Variants in DPY19L3 observed in about 807,000 individuals in gnomAD.
DPY19L3 encodes the protein dpy-19 like C-mannosyltransferase 3.
A neutral mutation model predicts 92.3 loss-of-function variants in DPY19L3; 51 were observed. That is an observed-to-expected ratio of 0.55 (90% CI 0.44 to 0.70). The LOEUF is 0.70. Ranked by LOEUF, DPY19L3 falls within the 30% of genes least tolerant of loss-of-function variation. DPY19L3 has a pLI of 0.00. For missense variants in DPY19L3, 706 were observed against 855.9 expected (o/e 0.82, Z 2.18); for synonymous variants, 309 against 315.2 (o/e 0.98, Z 0.21).
chr19:32,476,741 TC>T (rs1259091328), intron 16 of DPY19L3, among the ~76,000 whole-genome samples: 4 of 152,132 alleles, frequency 2.6e-5, no homozygotes, highest in African/African-American at 9.7e-5. Flanking sequence ...TGCCCCGTGT[TC>T]CTTAAACTGC....
chr19:32,437,101 C>T, intron 5 of DPY19L3, 93 bp from the exon 6 acceptor site: 1 of 1,484,830 alleles, frequency 6.7e-7, no homozygotes, highest in Non-Finnish European at 9.2e-7. Flanking sequence ...GAGGCAAGCT[C>T]CTGCATATTG....
intron 14 of DPY19L3, among the ~76,000 whole-genome samples, chr19:32,464,316 TTATA>T (rs149674766): frequency 0.023 from 3,461 of 152,200 alleles, 293 homozygotes; most frequent in Admixed American, 0.16. Context: ...AGATAATTAT[TTATA>T]TATGTATGAC....
At position 32,480,468 on chromosome 19, in the gene DPY19L3, T is replaced by C; in HGVS notation, c.1900T>C (p.Tyr634His). The change falls in exon 18 of 19, where the codon TAC becomes CAC. Residue 634 changes from tyrosine to histidine, a missense_variant. Tyr to His is a moderately conservative substitution (Grantham distance 83, BLOSUM62 2). Transcript: ENST00000392250. ...CCTCCTAAGGTCCTTCGGCACTGAC[T>C]ACGTAATCCTGGAAGACAGCATCTG... ...HALLRSFGTD[Y>H]VILEDSICYE... The C allele has an allele frequency of 6.2e-7, 1 of 1,614,178 alleles. No individual in the cohort carries two copies. The highest frequency in any genetic ancestry group is 8.5e-7 in the Non-Finnish European group (1 of 1,180,026).
At chr19:32,445,440 C>CAAAAAAAAAAAAAAAAAAAAAA (rs71336904) in intron 8 of DPY19L3, among the ~76,000 whole-genome samples, 5 of 42,822 alleles carry the variant, frequency 1.2e-4, no homozygotes, top group East Asian at 8.7e-4. Context: ...GACTTCATCT[C>CAAAAAAAAAAAAAAAAAAAAAA]AAAAAAAAAA....
At chr19:32,468,927 A>AT (rs1970273589) in intron 16 of DPY19L3, 114 bp downstream of exon 16, 1 of 1,007,976 alleles carries the variant, frequency 9.9e-7, no homozygotes, top group Non-Finnish European at 1.4e-6. Flanking sequence ...ACGAAGAAAC[A>AT]TTCGTCCTTA....
intron 17 of DPY19L3, among the ~76,000 whole-genome samples, chr19:32,478,339 G>A (rs561311866): frequency 1.8e-4 from 27 of 152,336 alleles, no homozygotes; most frequent in African/African-American, 4.8e-4. Context: ...GCAGAAGAGC[G>A]CATTTGGGAG....
chr19:32,463,544 T>G (rs544725565), intron 13 of DPY19L3, 56 bp downstream of exon 13: 1 of 1,558,604 alleles, frequency 6.4e-7, no homozygotes, highest in Non-Finnish European at 8.7e-7. Flanking sequence ...TGATGTTACT[T>G]AGCAATATAA....
At chr19:32,440,113 T>G (rs1969276430) in intron 8 of DPY19L3, among the ~76,000 whole-genome samples, 1 of 152,244 alleles carries the variant, frequency 6.6e-6, no homozygotes, top group East Asian at 1.9e-4. Flanking sequence ...TTATTTTAAG[T>G]TAAAAAATGG....
intron 6 of DPY19L3, among the ~76,000 whole-genome samples, chr19:32,437,632 A>G (rs974042798): frequency 4.6e-5 from 7 of 152,110 alleles, no homozygotes; most frequent in African/African-American, 1.4e-4. Flanking sequence ...CTCCAGCCGC[A>G]TATCTCATCT....
chr19:32,428,378 T>G (rs540398401), intron 3 of DPY19L3, among the ~76,000 whole-genome samples: 5 of 152,248 alleles, frequency 3.3e-5, no homozygotes, highest in African/African-American at 1.2e-4. Flanking sequence ...ACCATTGCGA[T>G]AGATGTAGGG....
chr19:32,416,242 TGA>T (rs962559536), intron 3 of DPY19L3, among the ~76,000 whole-genome samples: 3 of 152,216 alleles, frequency 2.0e-5, no homozygotes, highest in African/African-American at 7.2e-5. Context: ...GGAAGTCTGT[TGA>T]GAGAGAACAG....
intron 8 of DPY19L3, among the ~76,000 whole-genome samples, chr19:32,451,752 G>T (rs953079345): frequency 6.6e-6 from 1 of 151,966 alleles, no homozygotes; most frequent in Admixed American, 6.6e-5. Flanking sequence ...GCTTCTTTTG[G>T]TATCAACCTA....
In DPY19L3 at chr19:32,457,504, A is replaced by AT. The variant is rs1426998972; in HGVS notation, c.1090-590dup. ...CCTGTCTTCATTTTTCTTCTAATAA[A>AT]TTTTTTCACCATTTATGTTATTATA... On this transcript the variant is annotated intron_variant, in intron 10 of 18. Coordinates refer to ENST00000392250, the MANE Select transcript of DPY19L3 (RefSeq NM_001172774.2). 2.0e-5 allele frequency among the ~76,000 whole-genome samples: 3 copies of AT among 152,080 alleles called. No homozygotes were observed. In the East Asian group the frequency reaches 5.8e-4, roughly 29 times the overall value.
intron 6 of DPY19L3, 83 bp from the exon 7 acceptor site, chr19:32,439,029 T>C (rs1599625664): frequency 6.8e-7 from 1 of 1,464,826 alleles, no homozygotes; most frequent in East Asian, 2.3e-5. Flanking sequence ...GTCCTTAATG[T>C]AATATATCTT....
intron 3 of DPY19L3, among the ~76,000 whole-genome samples, chr19:32,430,684 T>A (rs1205122551): frequency 6.6e-6 from 1 of 152,048 alleles, no homozygotes; most frequent in African/African-American, 2.4e-5. Flanking sequence ...GGCTTGATCA[T>A]GGCTCACAGC....
intron 3 of DPY19L3, among the ~76,000 whole-genome samples, chr19:32,415,117 T>C (rs1266178448): frequency 2.6e-5 from 4 of 152,218 alleles, no homozygotes; most frequent in African/African-American, 9.6e-5. Flanking sequence ...CTGAGTAAGA[T>C]AAGGCCATGC....
At chr19:32,434,565 A>G (rs2145484119) in intron 4 of DPY19L3, among the ~76,000 whole-genome samples, 1 of 152,340 alleles carries the variant, frequency 6.6e-6, no homozygotes, top group Middle Eastern at 3.4e-3. Flanking sequence ...AGGCTGAGGC[A>G]GGAGAATCGC....
Position 32,458,419 on chromosome 19 carries a change from G to A in DPY19L3, c.1232G>A (p.Arg411Lys), listed in dbSNP as rs1281799303. The A allele has an allele frequency of 5.0e-6, 8 of 1,613,882 alleles. No individual in the cohort carries two copies. The highest frequency in any genetic ancestry group is 6.8e-6 in the Non-Finnish European group (8 of 1,179,992). ...FGLLPFNTFG[R>K]LSDTLLFYAY... ...CTCCTGCCTTTTAATACATTTGGAA[G>A]GCTTTCAGATACTCTGCTTTTTTAT... The change falls in exon 12 of 19, where the codon AGG (arginine) becomes AAG (lysine). Residue 411 changes from arginine to lysine, a missense_variant. Coordinates refer to ENST00000392250, the MANE Select transcript of DPY19L3 (RefSeq NM_001172774.2).
chr19:32,462,254 G>C (rs1487493555), intron 12 of DPY19L3, among the ~76,000 whole-genome samples: 1 of 151,964 alleles, frequency 6.6e-6, no homozygotes, highest in Admixed American at 6.6e-5. Flanking sequence ...TGTCTGTCTC[G>C]GGTAGGTGGG....
Sources: allele counts gnomAD v4.1 joint callset (sites outside exome capture counted in the v4.1 genomes callset), GRCh38; gene constraint gnomAD v4.1.1; transcripts MANE v1.5; gene names NCBI Gene and HGNC (gene_info 2026-07-23, HGNC 2026-07-21).